SNAPC3: variants seen among roughly 807,000 people sequenced by gnomAD.
SNAPC3 encodes the protein small nuclear RNA activating complex polypeptide 3, also known as snRNA-activating protein complex subunit 3.
SNAPC3 carries 56 observed loss-of-function variants against 47.7 expected under a neutral mutation model. The observed-to-expected ratio is 1.18, with a 90% CI of 0.95 to 1.47. SNAPC3 has a LOEUF of 1.47. SNAPC3 is among the 40% of genes most tolerant of loss of function. The pLI is 0.00. For synonymous variants in SNAPC3, 235 were observed against 189.9 expected (o/e 1.24, Z -1.95); for missense variants, 665 against 511.3 (o/e 1.30, Z -2.90).
intron 2 of SNAPC3, chr9:15,431,853 A>G (rs986971468): frequency 3.3e-5 from 5 of 151,834 alleles, no homozygotes; most frequent in Admixed American, 1.3e-4. Context: ...AGGGTGGGGA[A>G]GAAAGAACTA....
chr9:15,441,607 A>T (rs1205262454), intron 3 of SNAPC3, among the ~76,000 whole-genome samples: 1 of 151,804 alleles, frequency 6.6e-6, no homozygotes, highest in South Asian at 2.1e-4. Flanking sequence ...CTTAAGGAGC[A>T]TGCTGCCTTC....
rs886824935 is a variant in SNAPC3, at chr9:15,461,604, A to G, written c.*1738A>G. 5.3e-5 allele frequency: 8 copies of G among 152,252 alleles called. No homozygotes were observed. Among genetic ancestry groups the G allele is most frequent in the African/African-American group, 1.9e-4 (8 of 41,470 alleles). 9.4% of individuals were successfully genotyped at this position (152,252 alleles called of 1,614,324 possible). On this transcript the variant is annotated 3_prime_UTR_variant, in exon 9 of 9. Transcript: ENST00000380821. ...AGATTTCAAATGCATCATTTAAAAT[A>G]AATAAATTCCACTTTCTCTCTCCTA...
intron 3 of SNAPC3, among the ~76,000 whole-genome samples, chr9:15,439,239 G>C (rs2033105369): frequency 6.6e-6 from 1 of 152,026 alleles, no homozygotes; most frequent in Non-Finnish European, 1.5e-5. Context: ...TTGAACTCTT[G>C]GACTCAAGCA....
intron 4 of SNAPC3, among the ~76,000 whole-genome samples, chr9:15,445,067 C>G (rs1485760739): frequency 6.6e-6 from 1 of 152,180 alleles, no homozygotes; most frequent in Non-Finnish European, 1.5e-5. Context: ...GAACTCCAGC[C>G]TAGGAGACAG....
intron 5 of SNAPC3, among the ~76,000 whole-genome samples, chr9:15,448,720 A>G (rs1311858937): frequency 6.6e-6 from 1 of 152,218 alleles, no homozygotes; most frequent in East Asian, 1.9e-4. Context: ...TAGGTTCTTC[A>G]GGGTTGCCAT....
At chr9:15,447,821 A>G (rs1390814051) in intron 5 of SNAPC3, among the ~76,000 whole-genome samples, 3 of 152,166 alleles carry the variant, frequency 2.0e-5, no homozygotes, top group Non-Finnish European at 4.4e-5. Context: ...AATACCCAAC[A>G]AGGAGAGAGC....
chr9:15,429,265 A>G (rs1400254790), intron 2 of SNAPC3, among the ~76,000 whole-genome samples: 1 of 152,236 alleles, frequency 6.6e-6, no homozygotes, highest in Non-Finnish European at 1.5e-5. Flanking sequence ...TCAAATGTCA[A>G]GGTTATAGAA....
intron 4 of SNAPC3, among the ~76,000 whole-genome samples, chr9:15,445,491 C>T (rs990550655): frequency 6.6e-5 from 10 of 152,104 alleles, no homozygotes; most frequent in African/African-American, 2.4e-4. Flanking sequence ...AGAACTCTTT[C>T]CTAGGCCAGA....
Position 15,425,431 on chromosome 9 carries a change from C to G in SNAPC3, c.392+1445C>G, listed in dbSNP as rs557257290. ...GACGGGTTTCACCATGTTGGCCAGG[C>G]TGGTTTCAACTCCTGACCTCATGTG... On this transcript the variant is annotated intron_variant, in intron 2 of 8. Coordinates refer to ENST00000380821, the MANE Select transcript of SNAPC3 (RefSeq NM_001039697.2). Among the ~76,000 whole-genome samples the G allele has an allele frequency of 2.0e-5, 3 of 152,252 alleles. No homozygotes were observed. In the South Asian group the frequency reaches 6.2e-4, roughly 32 times the overall value.
downstream of SNAPC3, chr9:15,465,040 T>C (rs41303233): frequency 7.2e-5 from 16 of 223,342 alleles, no homozygotes; most frequent in South Asian, 1.8e-4. Context: ...AGTACTTGTA[T>C]AGAAGTAACA....
At chr9:15,455,941 C>G (rs376601556) in intron 7 of SNAPC3, among the ~76,000 whole-genome samples, 32 of 152,206 alleles carry the variant, frequency 2.1e-4, no homozygotes, top group African/African-American at 7.5e-4. Context: ...GTGGCGTGAT[C>G]TCGGCTCACC....
At chr9:15,439,501 C>T (rs1456140722) in intron 3 of SNAPC3, among the ~76,000 whole-genome samples, 1 of 152,114 alleles carries the variant, frequency 6.6e-6, no homozygotes, top group Non-Finnish European at 1.5e-5. Flanking sequence ...ACTACAAACA[C>T]ATGCCAAAAC....
At chr9:15,442,465 C>T (rs1282467029) in intron 3 of SNAPC3, among the ~76,000 whole-genome samples, 1 of 148,986 alleles carries the variant, frequency 6.7e-6, no homozygotes, top group Non-Finnish European at 1.5e-5. Flanking sequence ...GGGGCGGCTG[C>T]TGGGCGGAGG....
At chr9:15,465,510 G>GT, downstream of SNAPC3, 1 of 1,532,514 alleles carries the variant, frequency 6.5e-7, no homozygotes, top group East Asian at 2.3e-5. Flanking sequence ...TATATTCCAG[G>GT]TATGTCAACC....
intron 3 of SNAPC3, among the ~76,000 whole-genome samples, chr9:15,436,917 G>A (rs766756733): frequency 9.4e-5 from 14 of 149,396 alleles, no homozygotes; most frequent in Non-Finnish European, 1.3e-4. Context: ...TTCGCCTCCC[G>A]GGTTCGAGCG....
intron 7 of SNAPC3, among the ~76,000 whole-genome samples, chr9:15,456,297 A>C (rs999183001): frequency 2.6e-5 from 4 of 152,220 alleles, no homozygotes; most frequent in African/African-American, 9.6e-5. Context: ...GGCAAGAGCC[A>C]CTGCGCCTGG....
intron 3 of SNAPC3, among the ~76,000 whole-genome samples, chr9:15,442,375 A>G (rs1336873381): frequency 2.2e-5 from 3 of 135,830 alleles, no homozygotes; most frequent in South Asian, 5.0e-4. Context: ...CCTCCCAGAC[A>G]GGGCAGCTGC....
chr9:15,441,928 G>A (rs1024966272), intron 3 of SNAPC3, among the ~76,000 whole-genome samples: 11 of 152,158 alleles, frequency 7.2e-5, no homozygotes, highest in African/African-American at 2.7e-4. Context: ...CAGACGTGGT[G>A]GCGGCCGGGC....
At chr9:15,448,477 C>A (rs374301581) in intron 5 of SNAPC3, among the ~76,000 whole-genome samples, 1 of 152,200 alleles carries the variant, frequency 6.6e-6, no homozygotes, top group Non-Finnish European at 1.5e-5. Context: ...CAGCTCAAAA[C>A]TCACCAATTA....
Sources: allele counts gnomAD v4.1 joint callset (sites outside exome capture counted in the v4.1 genomes callset), GRCh38; gene constraint gnomAD v4.1.1; transcripts MANE v1.5; gene names NCBI Gene and HGNC (gene_info 2026-07-23, HGNC 2026-07-21).